GTF3C2: variants seen among roughly 807,000 people sequenced by gnomAD.
GTF3C2 encodes the protein general transcription factor 3C polypeptide 2.
GTF3C2 carries 17 observed loss-of-function variants against 117.4 expected under a neutral mutation model. The ratio of observed to expected loss-of-function variants is 0.14; its 90% CI spans 0.10 to 0.22. The LOEUF (loss-of-function observed/expected upper bound fraction) is 0.22. Ranked by LOEUF, GTF3C2 falls within the 10% of genes least tolerant of loss-of-function variation. The pLI, the probability that GTF3C2 is intolerant of heterozygous loss-of-function variation, is 1.00. For missense variants in GTF3C2, 888 were observed against 1,143.6 expected (o/e 0.78, Z 3.22); for synonymous variants, 437 against 427.0 (o/e 1.02, Z -0.29).
intron 1 of GTF3C2, among the ~76,000 whole-genome samples, chr2:27,345,448 C>T (rs1369393479): frequency 1.3e-5 from 2 of 151,860 alleles, no homozygotes; most frequent in African/African-American, 4.8e-5. Flanking sequence ...CAAAAATTAG[C>T]TGGGCATGGT....
rs374911992 is a variant in GTF3C2, at chr2:27,329,083, G to A, written c.2039+38C>T. ...GCATGCTTTGCATTCCAACCCTTAG[G>A]GCCTGTCCCTAGAGGTCCTATCTCC... On this transcript the variant is annotated intron_variant, in intron 14 of 18. Transcript: ENST00000264720. The surrounding 1 kb of genome is among the most constrained non-coding windows in gnomAD (Gnocchi z 4.5). 8 of 1,608,050 alleles carry A rather than the reference G, an allele frequency of 5.0e-6. No homozygotes were observed. In the African/African-American group the frequency reaches 5.4e-5, roughly 11 times the overall value.
chr2:27,333,507 A>G, intron 12 of GTF3C2, 148 bp downstream of exon 12: 1 of 611,676 alleles, frequency 1.6e-6, no homozygotes, highest in East Asian at 2.8e-5. Context: ...CTAGTGACTT[A>G]TTTCTTTCTA....
At position 27,356,482 on chromosome 2, in the gene GTF3C2, T is replaced by C. The variant is rs569107380; in HGVS notation, c.-25+257A>G. 5.7e-4 allele frequency: 134 copies of C among 234,272 alleles called. 2 individuals are homozygous for C. The highest frequency in any genetic ancestry group is 2.8e-3 in the African/African-American group (127 of 45,682). 14.5% of individuals were successfully genotyped at this position (234,272 alleles called of 1,614,324 possible). A position where few individuals can be genotyped will look rare whatever the true frequency, so the allele number is the denominator to read the frequency against. ...CAGCGCCTACGCCCGGACACAGGCT[T>C]CCGCGTTACCGACACCGCGTGGGGG... On this transcript the variant is annotated intron_variant, in intron 1 of 18. Transcript: ENST00000264720.
chr2:27,349,144 ATTTTTTT>A lies in GTF3C2; in HGVS notation c.-24-5573_-24-5567del, dbSNP rs36040548. ...GAGCCACTGTGCCCAGCCTGATTTG[ATTTTTTT>A]TTTTTTTTTTTTTTGAGACAGAGTC... is the stretch of plus-strand genomic sequence containing the variant. On this transcript the variant is annotated intron_variant, in intron 1 of 18. Coordinates refer to ENST00000264720, the Ensembl canonical transcript of GTF3C2. Among the ~76,000 whole-genome samples the A allele has an allele frequency of 2.5e-4, 10 of 39,226 alleles. No homozygotes were observed. The East Asian group carries it at 3.6e-3, about 14-fold the overall frequency. The allele number at this position is 39,226 out of a possible 152,430, so 25.7% of individuals were successfully genotyped here. A position where few individuals can be genotyped will look rare whatever the true frequency, so the allele number is the denominator to read the frequency against.
chr2:27,327,216 T>C (rs1483171840), exon 18 of GTF3C2: 3 of 1,608,446 alleles, frequency 1.9e-6, no homozygotes, highest in South Asian at 2.2e-5. Context: ...CCAGGCAGAG[T>C]TGAGAATGCC....
chr2:27,348,921 C>T (rs1226216653), intron 1 of GTF3C2, among the ~76,000 whole-genome samples: 2 of 152,172 alleles, frequency 1.3e-5, no homozygotes, highest in East Asian at 1.9e-4. Context: ...ACTGCAACCT[C>T]TGCCTCCCAG....
At chr2:27,328,131 G>A (rs762639747) in exon 17 of GTF3C2, 1 of 1,608,836 alleles carries the variant, frequency 6.2e-7, no homozygotes, top group South Asian at 1.1e-5. Context: ...TGAAGCAGAA[G>A]AATGGTCTGG....
chr2:27,342,335 C>T lies in GTF3C2; in HGVS notation c.570-102G>A, dbSNP rs547257739. 4.6e-6 allele frequency: 4 copies of T among 867,294 alleles called. No homozygotes were observed. The African/African-American group carries it at 6.8e-5, about 15-fold the overall frequency. The allele number at this position is 867,294 out of a possible 1,614,324, so 53.7% of individuals were successfully genotyped here. On this transcript the variant is annotated intron_variant, in intron 3 of 18. Coordinates refer to ENST00000264720, the Ensembl canonical transcript of GTF3C2. ...TCTCAATGGAGCCTCCCAATAACCCCATGATTAACCAATTAACTCTATTAA... is the reference window on the plus strand; with the variant it reads ...TCTCAATGGAGCCTCCCAATAACCCTATGATTAACCAATTAACTCTATTAA...
At chr2:27,335,439 C>CAAGAACA in intron 10 of GTF3C2, 159 bp downstream of exon 10, 1 of 714,778 alleles carries the variant, frequency 1.4e-6, no homozygotes, top group Non-Finnish European at 2.6e-6. Flanking sequence ...AGAGAGGGCT[C>CAAGAACA]AAGAACAAAC....
intron 17 of GTF3C2, 150 bp downstream of exon 17, chr2:27,327,887 A>C: frequency 1.7e-6 from 1 of 594,018 alleles, no homozygotes; most frequent in Admixed American, 3.7e-5. Flanking sequence ...AATCCCCCCA[A>C]ACTGCTGGGA....
chr2:27,356,336 T>C (rs2148357487), intron 1 of GTF3C2: 1 of 344,706 alleles, frequency 2.9e-6, no homozygotes, highest in Non-Finnish European at 5.8e-6. Flanking sequence ...GGCCATCACC[T>C]GCCCTTCTTC....
intron 17 of GTF3C2, 82 bp downstream of exon 17, chr2:27,327,955 G>T: frequency 8.5e-7 from 1 of 1,172,076 alleles, no homozygotes; most frequent in Non-Finnish European, 1.2e-6. Context: ...TCTTTGTGCT[G>T]AACTCAGGCT....
exon 19 of GTF3C2, chr2:27,326,436 TA>T: frequency 1.7e-6 from 1 of 581,962 alleles, no homozygotes; most frequent in Non-Finnish European, 3.1e-6. Context: ...TCATGAGCCA[TA>T]GTCTTAGGCT....
chr2:27,342,197 G>T, exon 4 of GTF3C2: 1 of 1,613,656 alleles, frequency 6.2e-7, no homozygotes, highest in Non-Finnish European at 8.5e-7. Context: ...GGGCTGTTGA[G>T]AGCTCTTCAG....
chr2:27,334,220 G>C (rs4507056), intron 10 of GTF3C2, among the ~76,000 whole-genome samples: 2 of 148,544 alleles, frequency 1.3e-5, no homozygotes, highest in Non-Finnish European at 3.0e-5. Flanking sequence ...TTTTCCTTTA[G>C]ACCTCCTCTG....
At chr2:27,350,729 C>G (rs1681101753) in intron 1 of GTF3C2, 2 of 152,408 alleles carry the variant, frequency 1.3e-5, no homozygotes, top group African/African-American at 4.8e-5. Context: ...GGTGGATCAC[C>G]TAAGGTCAGG....
At chr2:27,348,755 T>TG (rs1397844316) in intron 1 of GTF3C2, among the ~76,000 whole-genome samples, 56 of 152,284 alleles carry the variant, frequency 3.7e-4, no homozygotes, top group African/African-American at 1.3e-3. Flanking sequence ...ATCACACCAC[T>TG]GCATCCCAGC....
At chr2:27,330,829 G>T (rs1430435056) in intron 12 of GTF3C2, among the ~76,000 whole-genome samples, 1 of 152,170 alleles carries the variant, frequency 6.6e-6, no homozygotes, top group East Asian at 1.9e-4. Context: ...GCCTTTGGTG[G>T]TATGCACCTG....
intron 15 of GTF3C2, 77 bp from the exon 16 acceptor site, chr2:27,328,673 G>A (rs905349342): frequency 1.0e-5 from 13 of 1,275,158 alleles, no homozygotes; most frequent in Middle Eastern, 1.9e-4. Flanking sequence ...CACAGTCTGA[G>A]AGACAGACAC....
Sources: allele counts gnomAD v4.1 joint callset (sites outside exome capture counted in the v4.1 genomes callset), GRCh38; gene constraint gnomAD v4.1.1; non-coding constraint Gnocchi (gnomAD v3.1); transcripts MANE v1.5; gene names NCBI Gene and HGNC (gene_info 2026-07-23, HGNC 2026-07-21).